APP: variants seen among roughly 807,000 people sequenced by gnomAD.
APP encodes amyloid-beta precursor protein.
A neutral mutation model predicts 101.4 loss-of-function variants in APP; 31 were observed. The ratio of observed to expected loss-of-function variants is 0.31; its 90% CI spans 0.23 to 0.41. The LOEUF (loss-of-function observed/expected upper bound fraction) is 0.41, where lower values mean the gene tolerates loss of function less well. Ranked by LOEUF, APP falls within the 10% of genes least tolerant of loss-of-function variation. APP has a pLI of 1.00. For synonymous variants in APP, 366 were observed against 364.4 expected, an observed-to-expected ratio of 1.00 and a Z score of -0.05; for missense variants, 839 against 1,003.7, an observed-to-expected ratio of 0.84 and a Z score of 2.22.
At chr21:25,937,442 C>T (rs2040406092) in intron 13 of APP, among the ~76,000 whole-genome samples, 1 of 152,178 alleles carries the variant, frequency 6.6e-6, no homozygotes. Flanking sequence ...TGGCACTAGG[C>T]TCTCTGACAA....
chr21:25,910,351 C>T (rs1453478193), intron 14 of APP, among the ~76,000 whole-genome samples: 3 of 152,072 alleles, frequency 2.0e-5, no homozygotes, highest in Admixed American at 6.6e-5. Context: ...AGGATGGTCT[C>T]GATCTCCTGA....
At chr21:26,090,440 C>G (rs930280462) in intron 2 of APP, among the ~76,000 whole-genome samples, 1 of 144,424 alleles carries the variant, frequency 6.9e-6, no homozygotes, top group African/African-American at 2.6e-5. Flanking sequence ...CTACCTCTGA[C>G]CAAGCTAAAG....
rs114846886 is a variant in APP, at chr21:26,043,164, T to G, written c.662+7836A>C. On this transcript the variant is annotated intron_variant, in intron 5 of 17. Transcript: ENST00000346798. ...AAACATGGGACCCATCATGCTATGT[T>G]ATTAGACTCCTGATGCAATTTTACT... Among the ~76,000 whole-genome samples, 573 of 152,350 alleles carry G rather than the reference T, an allele frequency of 3.8e-3. 5 individuals carry two copies. The highest frequency in any genetic ancestry group is 0.013 in the African/African-American group (545 of 41,586).
chr21:26,034,666 A>C (rs369115450), intron 5 of APP, among the ~76,000 whole-genome samples: 1 of 149,468 alleles, frequency 6.7e-6, no homozygotes. Context: ...GAAAAAGAAA[A>C]AAAGAAAAGA....
chr21:26,140,633 T>C (rs546797135), intron 1 of APP, among the ~76,000 whole-genome samples: 1 of 152,364 alleles, frequency 6.6e-6, no homozygotes, highest in South Asian at 2.1e-4. Flanking sequence ...AGGAAGCCAA[T>C]TCATATTTAA....
intron 5 of APP, among the ~76,000 whole-genome samples, chr21:26,034,865 G>C (rs1601281069): frequency 6.6e-6 from 1 of 152,076 alleles, no homozygotes; most frequent in South Asian, 2.1e-4. Context: ...TACTCAGAGA[G>C]ATTACATTCT....
intron 13 of APP, among the ~76,000 whole-genome samples, chr21:25,928,342 A>AAAACAAACAAACAAACAAAC (rs61188136): frequency 2.0e-5 from 3 of 148,996 alleles, no homozygotes; most frequent in East Asian, 2.0e-4. Flanking sequence ...ACTCCATCTC[A>AAAACAAACAAACAAACAAAC]AAACAAACAA....
chr21:26,044,005 C>A (rs1404591998), intron 5 of APP, among the ~76,000 whole-genome samples: 1 of 152,090 alleles, frequency 6.6e-6, no homozygotes, highest in Non-Finnish European at 1.5e-5. Flanking sequence ...TCATCATTAG[C>A]CATCAACTAT....
At chr21:26,026,458 G>T (rs762648959) in intron 5 of APP, among the ~76,000 whole-genome samples, 17 of 152,126 alleles carry the variant, frequency 1.1e-4, no homozygotes, top group Non-Finnish European at 2.2e-4. Flanking sequence ...CATCACAAAG[G>T]TGACTCTCCT....
At chr21:25,998,390 GA>G (rs377532580) in intron 7 of APP, among the ~76,000 whole-genome samples, 27,623 of 109,876 alleles carry the variant, frequency 0.25, 2,553 homozygotes, top group South Asian at 0.38. Context: ...ATCAGAGCCA[GA>G]AAAAAAAAAA....
At chr21:25,996,998 G>A (rs1381772614) in intron 8 of APP, among the ~76,000 whole-genome samples, 1 of 152,180 alleles carries the variant, frequency 6.6e-6, no homozygotes, top group African/African-American at 2.4e-5. Flanking sequence ...CTTCAGTTCT[G>A]CAAAAGCAGT....
intron 1 of APP, among the ~76,000 whole-genome samples, chr21:26,169,788 G>C (rs1316047670): frequency 6.6e-6 from 1 of 152,248 alleles, no homozygotes; most frequent in Non-Finnish European, 1.5e-5. Context: ...CTCAGACAGA[G>C]CTTAGGGTGC....
intron 6 of APP, among the ~76,000 whole-genome samples, chr21:26,020,218 A>C (rs1214831797): frequency 6.6e-6 from 1 of 152,226 alleles, no homozygotes; most frequent in African/African-American, 2.4e-5. Flanking sequence ...TTATAATAAC[A>C]GTCCAAAAAA....
At chr21:26,090,623 G>A (rs191783825) in intron 2 of APP, among the ~76,000 whole-genome samples, 6 of 152,276 alleles carry the variant, frequency 3.9e-5, no homozygotes, top group Admixed American at 3.9e-4. Flanking sequence ...TACAAGCATG[G>A]GGTGATTTTT....
At chr21:25,975,924 T>C (rs2042206768) in intron 10 of APP, 30 bp downstream of exon 10, 3 of 1,571,950 alleles carry the variant, frequency 1.9e-6, no homozygotes, top group East Asian at 4.5e-5. Flanking sequence ...TGGCATGTGA[T>C]GTTTGGTAGG....
intron 11 of APP, among the ~76,000 whole-genome samples, chr21:25,963,065 C>G (rs1010609797): frequency 6.6e-6 from 1 of 152,118 alleles, no homozygotes; most frequent in African/African-American, 2.4e-5. Flanking sequence ...CCACCTGCCT[C>G]GGCCTCCCAA....
chr21:26,000,573 G>A (rs2043250047), intron 6 of APP, among the ~76,000 whole-genome samples: 1 of 152,214 alleles, frequency 6.6e-6, no homozygotes, highest in South Asian at 2.1e-4. Context: ...CTTTGGTTAT[G>A]AAGCGAAAGT....
rs573530195 is a variant in APP, at chr21:25,912,008, A to ACAG, written c.1688-49_1688-47dup. 1.6e-4 allele frequency: 230 copies of ACAG among 1,444,406 alleles called. 3 individuals carry two copies. In the East Asian group the frequency reaches 2.7e-3, roughly 17 times the overall value. 89.5% of individuals were successfully genotyped at this position (1,444,406 alleles called of 1,614,324 possible). A position where few individuals can be genotyped will look rare whatever the true frequency, so the allele number is the denominator to read the frequency against. On this transcript the variant is annotated intron_variant, in intron 13 of 17. Transcript: ENST00000346798. ...TCTTTGGTGAGTAACAACAATCACAACAGCAGCAGCAGCAGCAGCCACCAT... is the reference window on the plus strand; with the variant it reads ...TCTTTGGTGAGTAACAACAATCACAACAGCAGCAGCAGCAGCAGCAGCCACCAT...
chr21:26,003,424 G>T (rs143307077), intron 6 of APP, among the ~76,000 whole-genome samples: 5 of 152,260 alleles, frequency 3.3e-5, no homozygotes, highest in Non-Finnish European at 5.9e-5. Context: ...GACTTTGAAC[G>T]GCCCCCAAGA....
Sources: gnomAD v4.1 joint callset for allele counts (sites outside exome capture counted in the v4.1 genomes callset) on GRCh38, gnomAD v4.1.1 for gene constraint, MANE v1.5 for transcripts, NCBI Gene and HGNC (gene_info 2026-07-23, HGNC 2026-07-21) for gene names.